Variants in SPO11 observed in about 807,000 individuals in gnomAD.
The protein encoded by SPO11 is SPO11 initiator of meiotic double strand breaks.
Under a neutral mutation model 51.6 loss-of-function variants are expected in SPO11, and 49 were observed. The ratio of observed to expected loss-of-function variants is 0.95; its 90% CI spans 0.75 to 1.20. SPO11 has a LOEUF of 1.20. Ranked by LOEUF, SPO11 falls within the 50% of genes most tolerant of loss-of-function variation. SPO11 has a pLI of 0.00. For missense variants in SPO11, 431 were observed against 473.4 expected, an observed-to-expected ratio of 0.91 and a Z score of 0.83; for synonymous variants, 176 against 158.2, an observed-to-expected ratio of 1.11 and a Z score of -0.84.
In SPO11 at chr20:57,333,968, G is replaced by A; in HGVS notation, c.402-19G>A. The A allele has an allele frequency of 7.3e-7, 1 of 1,364,978 alleles. No homozygotes were observed. Among genetic ancestry groups the A allele is most frequent in the Non-Finnish European group, 1.0e-6 (1 of 991,006 alleles). The allele number at this position is 1,364,978 out of a possible 1,614,324, so 84.6% of individuals were successfully genotyped here. ...AAAGAATATAGTTAATTAAAAATAT[G>A]TATTTTAAATTTTCATAGGGACATA... On this transcript the variant is annotated intron_variant, in intron 4 of 12. Transcript: ENST00000371263.
rs1176867962 is a variant in SPO11, at chr20:57,342,808, T to C, written c.1039T>C (p.Tyr347His). 6.2e-7 allele frequency: 1 copy of C among 1,613,334 alleles called. No individual in the cohort carries two copies. Among genetic ancestry groups the C allele is most frequent in the Admixed American group, 1.7e-5 (1 of 59,976 alleles). Residue 347 changes from tyrosine to histidine, a missense_variant, in exon 12 of 13, where the codon TAT becomes CAT. Around this residue, in one of 3 missense-constraint regions of SPO11, gnomAD observed 405 missense variants for 425.9 expected, o/e 0.95. Coordinates refer to ENST00000371263, the MANE Select transcript of SPO11 (RefSeq NM_012444.3). ...MKLDSILRRP[Y>H]VTCQPFWRKE... The stretch of plus-strand genomic sequence containing the variant: ...ACTTGACAGTATCCTGAGGAGACCT[T>C]ATGTTACCTGCCAACCATTTTGGAG...
chr20:57,341,987 C>A (rs1374266386), intron 11 of SPO11, among the ~76,000 whole-genome samples: 6 of 152,122 alleles, frequency 3.9e-5, no homozygotes, highest in Non-Finnish European at 8.8e-5. Context: ...CTGCCCCTGG[C>A]AAATGGTCAT....
In SPO11 at chr20:57,335,382, T is replaced by A. The variant is rs1468198970; in HGVS notation, c.598-37T>A. ...TGATAAACTAAAAATGTGGTTATTT[T>A]GCTTTTTATGTAAGATAAAAACTTT... is the stretch of plus-strand genomic sequence containing the variant. On this transcript the variant is annotated intron_variant, in intron 6 of 12. Transcript: ENST00000371263. The A allele has an allele frequency of 2.5e-6, 4 of 1,572,282 alleles. No homozygotes were observed. In the African/African-American group the frequency reaches 4.1e-5, roughly 16 times the overall value.
At chr20:57,340,501 C>T (rs748219311) in intron 11 of SPO11, among the ~76,000 whole-genome samples, 8 of 152,312 alleles carry the variant, frequency 5.3e-5, no homozygotes, top group African/African-American at 1.9e-4. Flanking sequence ...TGGTGGCTGA[C>T]GCCTGTAATC....
Position 57,342,800 on chromosome 20 carries a change from G to A in SPO11, c.1031G>A (p.Arg344Lys). The change falls in exon 12 of 13, where the codon AGG becomes AAG. Residue 344 changes from arginine to lysine, a missense_variant. Around this residue, in one of 3 missense-constraint regions of SPO11, gnomAD observed 405 missense variants for 425.9 expected, o/e 0.95. Coordinates refer to ENST00000371263, the MANE Select transcript of SPO11 (RefSeq NM_012444.3). The part of the protein sequence containing the change: ...RDQMKLDSIL[R>K]RPYVTCQPFW... ...CAAATGAAACTTGACAGTATCCTGAGGAGACCTTATGTTACCTGCCAACCA... is the reference window on the plus strand; with the variant it reads ...CAAATGAAACTTGACAGTATCCTGAAGAGACCTTATGTTACCTGCCAACCA... 1 of 1,613,502 alleles carries A rather than the reference G, an allele frequency of 6.2e-7. No homozygotes were observed. The highest frequency in any genetic ancestry group is 8.5e-7 in the Non-Finnish European group (1 of 1,179,676).
chr20:57,335,576 T>A, intron 7 of SPO11, 121 bp downstream of exon 7: 2 of 942,624 alleles, frequency 2.1e-6, no homozygotes, highest in Non-Finnish European at 3.2e-6. Context: ...GCAGTCAAGA[T>A]GAACACACCA....
intron 8 of SPO11, among the ~76,000 whole-genome samples, chr20:57,337,446 C>T (rs1358134433): frequency 1.3e-5 from 2 of 152,152 alleles, no homozygotes; most frequent in Non-Finnish European, 2.9e-5. Context: ...CATTCAAGTT[C>T]ATGCTGCTAA....
chr20:57,339,409 A>G (rs2066552532), intron 10 of SPO11, among the ~76,000 whole-genome samples: 1 of 152,218 alleles, frequency 6.6e-6, no homozygotes, highest in South Asian at 2.1e-4. Context: ...ATAAGGAGAA[A>G]TGGAAACAAT....
chr20:57,338,442 T>A (rs1402513385), intron 9 of SPO11, 67 bp downstream of exon 9: 8 of 1,229,174 alleles, frequency 6.5e-6, no homozygotes, highest in South Asian at 1.4e-5. Context: ...TGTGTTTTCT[T>A]CCTCTTTTTT....
intron 8 of SPO11, among the ~76,000 whole-genome samples, chr20:57,337,359 A>G (rs2066524599): frequency 6.6e-6 from 1 of 152,170 alleles, no homozygotes; most frequent in Admixed American, 6.5e-5. Context: ...GTGCTTTATG[A>G]TTATTAAATA....
rs551933893 is a variant in SPO11 at position 57,338,975 on chromosome 20, C to A, written c.845-14C>A. ...GTAAGGAGACTAATTTTATAGTTAACTTTCTTTTAACAGGCATAGAAATAA... is the reference window on the plus strand; with the variant it reads ...GTAAGGAGACTAATTTTATAGTTAAATTTCTTTTAACAGGCATAGAAATAA... On this transcript the variant is annotated splice_polypyrimidine_tract_variant and intron_variant, in intron 9 of 12. Coordinates refer to ENST00000371263, the MANE Select transcript of SPO11 (RefSeq NM_012444.3). 4 of 1,454,446 alleles carry A rather than the reference C, an allele frequency of 2.8e-6. No individual in the cohort carries two copies. The highest frequency in any genetic ancestry group is 4.3e-5 in the Admixed American group (2 of 46,852). 90.1% of individuals were successfully genotyped at this position (1,454,446 alleles called of 1,614,324 possible).
At chr20:57,337,696 T>A in intron 8 of SPO11, 1 of 1,252,586 alleles carries the variant, frequency 8.0e-7, no homozygotes, top group Non-Finnish European at 1.0e-6. Flanking sequence ...TAATTCCCAG[T>A]CCTTCAGTCT....
At chr20:57,337,314 A>G (rs1162873735) in intron 8 of SPO11, among the ~76,000 whole-genome samples, 1 of 152,208 alleles carries the variant, frequency 6.6e-6, no homozygotes, top group African/African-American at 2.4e-5. Context: ...TTTAAGTTTT[A>G]TTAAACCCTA....
At chr20:57,331,555 C>T (rs1256361947) in intron 1 of SPO11, among the ~76,000 whole-genome samples, 6 of 152,080 alleles carry the variant, frequency 3.9e-5, no homozygotes, top group Admixed American at 1.3e-4. Flanking sequence ...GGAGACCTTC[C>T]ATTGGTAATT....
intron 5 of SPO11, 23 bp downstream of exon 5, chr20:57,334,118 C>A: frequency 2.4e-5 from 26 of 1,095,464 alleles, no homozygotes; most frequent in Non-Finnish European, 3.0e-5. Context: ...TAATACAAAA[C>A]ATTTTATTTT....
At chr20:57,338,183 G>T (rs1056015429) in intron 8 of SPO11, 93 bp from the exon 9 acceptor site, 2 of 960,578 alleles carry the variant, frequency 2.1e-6, no homozygotes, top group Non-Finnish European at 1.6e-6. Flanking sequence ...GAACCACTGC[G>T]TCCAGCCTAA....
intron 11 of SPO11, 88 bp downstream of exon 11, chr20:57,340,266 A>G: frequency 1.3e-6 from 1 of 788,656 alleles, no homozygotes; most frequent in Non-Finnish European, 2.1e-6. Context: ...TACAAGGGAA[A>G]GCTCTTAATG....
rs1396067820 is a variant in SPO11 at position 57,338,394 on chromosome 20, A to C, written c.844+19A>C. On this transcript the variant is annotated intron_variant, in intron 9 of 12. Transcript: ENST00000371263. ...CCACATGGTAATTTATCACTGGACT[A>C]TTTACAACAATAGTCATAACTAAAT... The C allele has an allele frequency of 6.8e-7, 1 of 1,464,008 alleles. No individual in the cohort carries two copies. The highest frequency in any genetic ancestry group is 9.5e-7 in the Non-Finnish European group (1 of 1,049,244). The allele number at this position is 1,464,008 out of a possible 1,614,324, so 90.7% of individuals were successfully genotyped here.
Position 57,331,868 on chromosome 20 carries a change from A to G in SPO11, c.167A>G (p.Gln56Arg). 6.2e-7 allele frequency: 1 copy of G among 1,606,700 alleles called. No homozygotes were observed. Among genetic ancestry groups the G allele is most frequent in the South Asian group, 1.1e-5 (1 of 89,338 alleles). ...CTTGCATCTATAGAAAATATTATCC[A>G]AGACATAATCACAAGCTTGGCAAGA... ...EVLASIENIIQDIITSLARNE... is the reference protein window; with the variant it reads ...EVLASIENIIRDIITSLARNE... Residue 56 changes from glutamine (Q) to arginine (R), a missense_variant, in exon 2 of 13, where the codon CAA (glutamine) becomes CGA (arginine). Gln to Arg is a conservative substitution (Grantham distance 43). This residue lies in a region of SPO11 where 405 missense variants were observed against 425.9 expected (regional missense o/e 0.95). Transcript: ENST00000371263.
Sources: allele counts gnomAD v4.1 joint callset (sites outside exome capture counted in the v4.1 genomes callset), GRCh38; gene constraint gnomAD v4.1.1; regional missense constraint gnomAD v4.1.1; transcripts MANE v1.5; gene names NCBI Gene and HGNC (gene_info 2026-07-23, HGNC 2026-07-21).